Variants in CREB5 observed in about 807,000 individuals in gnomAD.
CREB5 encodes the protein cyclic AMP-responsive element-binding protein 5.
A neutral mutation model predicts 57.1 loss-of-function variants in CREB5; 19 were observed. The observed-to-expected ratio is 0.33, with a 90% CI of 0.23 to 0.49. CREB5 has a LOEUF of 0.49. CREB5 is among the 20% of genes least tolerant of loss of function. CREB5 has a pLI of 0.99. For missense variants in CREB5, 579 were observed against 671.6 expected, an observed-to-expected ratio of 0.86 and a Z score of 1.52; for synonymous variants, 238 against 238.3, an observed-to-expected ratio of 1.00 and a Z score of 0.01.
intron 7 of CREB5, among the ~76,000 whole-genome samples, chr7:28,800,823 G>A (rs750168460): frequency 3.3e-5 from 5 of 152,088 alleles, no homozygotes; most frequent in African/African-American, 1.2e-4. Context: ...CCCTTCTCGC[G>A]CTTTCTGCTT....
chr7:28,575,786 G>A (rs970533094), intron 5 of CREB5, among the ~76,000 whole-genome samples: 1 of 152,122 alleles, frequency 6.6e-6, no homozygotes, highest in Non-Finnish European at 1.5e-5. Context: ...GGGCCCTTCT[G>A]GGGGATGCTT....
intron 1 of CREB5, among the ~76,000 whole-genome samples, chr7:28,334,338 G>A (rs1189190067): frequency 2.0e-5 from 3 of 152,046 alleles, no homozygotes; most frequent in African/African-American, 7.2e-5. Context: ...TGTATATTTA[G>A]TAGAGACGGG....
At chr7:28,571,557 G>A (rs186459045) in intron 5 of CREB5, among the ~76,000 whole-genome samples, 9 of 152,128 alleles carry the variant, frequency 5.9e-5, no homozygotes, top group Non-Finnish European at 1.0e-4. Context: ...TCCTGTCATT[G>A]AACACCAGAT....
intron 1 of CREB5, among the ~76,000 whole-genome samples, chr7:28,416,100 A>G (rs42718): frequency 0.85 from 129,672 of 152,198 alleles, 56,121 homozygotes; most frequent in East Asian, 0.99. Flanking sequence ...ATGGGGAATA[A>G]CAATGTCTAA....
intron 1 of CREB5, among the ~76,000 whole-genome samples, chr7:28,430,111 G>A: frequency 6.6e-6 from 1 of 152,184 alleles, no homozygotes. Context: ...AGGTGCCTGT[G>A]TTGTTTGGAA....
At chr7:28,742,354 C>G (rs112641355) in intron 7 of CREB5, among the ~76,000 whole-genome samples, 1,522 of 152,114 alleles carry the variant, frequency 0.01, 25 homozygotes, top group African/African-American at 0.035. Flanking sequence ...ATCATGAGGT[C>G]AGGAGATCGA....
intron 5 of CREB5, among the ~76,000 whole-genome samples, chr7:28,588,884 C>G (rs1361868246): frequency 6.6e-6 from 1 of 152,192 alleles, no homozygotes; most frequent in Non-Finnish European, 1.5e-5. Flanking sequence ...GTTCTCCAAG[C>G]CTGTTTTCCC....
chr7:28,333,638 A>G (rs528575588), intron 1 of CREB5, among the ~76,000 whole-genome samples: 1 of 152,282 alleles, frequency 6.6e-6, no homozygotes, highest in East Asian at 1.9e-4. Context: ...ATAAGTGAGA[A>G]CATGTGAAGT....
At chr7:28,429,249 C>T (rs572456190) in intron 1 of CREB5, among the ~76,000 whole-genome samples, 1 of 152,254 alleles carries the variant, frequency 6.6e-6, no homozygotes, top group East Asian at 1.9e-4. Context: ...TGGTCTCGAA[C>T]TCCTGACCTC....
chr7:28,426,582 C>T (rs2128013723), intron 1 of CREB5, among the ~76,000 whole-genome samples: 1 of 152,364 alleles, frequency 6.6e-6, no homozygotes, highest in Non-Finnish European at 1.5e-5. Flanking sequence ...CACGTGCACA[C>T]ATTCACCTAG....
chr7:28,350,223 T>C (rs1786160659), intron 1 of CREB5, among the ~76,000 whole-genome samples: 1 of 152,152 alleles, frequency 6.6e-6, no homozygotes, highest in Admixed American at 6.5e-5. Context: ...TAAAGATAGG[T>C]CATTTTTTAC....
At chr7:28,387,601 G>A (rs1233146376) in intron 1 of CREB5, among the ~76,000 whole-genome samples, 1 of 152,034 alleles carries the variant, frequency 6.6e-6, no homozygotes, top group Non-Finnish European at 1.5e-5. Context: ...ATGGACACAT[G>A]TGAAAGAGCA....
chr7:28,390,906 A>T (rs1208434114), intron 1 of CREB5, among the ~76,000 whole-genome samples: 1 of 151,766 alleles, frequency 6.6e-6, no homozygotes, highest in East Asian at 1.9e-4. Flanking sequence ...GCGTTTCCTT[A>T]TGCACTTTTA....
intron 4 of CREB5, among the ~76,000 whole-genome samples, chr7:28,519,024 A>C (rs892968517): frequency 1.3e-5 from 2 of 152,240 alleles, no homozygotes; most frequent in Non-Finnish European, 2.9e-5. Flanking sequence ...AGATTCATAC[A>C]TCACTAGAGC....
intron 5 of CREB5, among the ~76,000 whole-genome samples, chr7:28,646,840 A>G (rs1362095930): frequency 1.3e-5 from 2 of 152,218 alleles, no homozygotes; most frequent in East Asian, 3.9e-4. Flanking sequence ...TGCAACAAAG[A>G]GTGATTGTAA....
intron 1 of CREB5, among the ~76,000 whole-genome samples, chr7:28,332,816 G>A (rs910721384): frequency 3.3e-5 from 5 of 152,000 alleles, no homozygotes; most frequent in African/African-American, 1.2e-4. Context: ...CATTTTACTA[G>A]CTACCTGGTT....
At chr7:28,527,829 C>T (rs552320448) in intron 4 of CREB5, among the ~76,000 whole-genome samples, 7 of 152,214 alleles carry the variant, frequency 4.6e-5, no homozygotes, top group Non-Finnish European at 1.0e-4. Flanking sequence ...AAAAAATTCT[C>T]TTGTGAAATA....
At chr7:28,477,995 T>G (rs1255467950) in intron 1 of CREB5, among the ~76,000 whole-genome samples, 1 of 152,166 alleles carries the variant, frequency 6.6e-6, no homozygotes, top group East Asian at 1.9e-4. Flanking sequence ...ACACCTGTGG[T>G]GTCCCAACTA....
At chr7:28,639,968 C>A (rs939690172) in intron 5 of CREB5, among the ~76,000 whole-genome samples, 1 of 152,124 alleles carries the variant, frequency 6.6e-6, no homozygotes, top group Non-Finnish European at 1.5e-5. Flanking sequence ...CAAGTACTCC[C>A]TTAGTGTATG....
Sources: allele counts gnomAD v4.1 joint callset (sites outside exome capture counted in the v4.1 genomes callset), GRCh38; gene constraint gnomAD v4.1.1; transcripts MANE v1.5; gene names NCBI Gene and HGNC (gene_info 2026-07-23, HGNC 2026-07-21).